Variants in IL11 observed in about 807,000 individuals in gnomAD.
IL11 encodes interleukin 11.
Under a neutral mutation model 18.1 loss-of-function variants are expected in IL11, and 17 were observed. The observed-to-expected ratio is 0.94, with a 90% CI of 0.64 to 1.41. IL11 has a LOEUF of 1.41. IL11 is among the 40% of genes most tolerant of loss of function. The pLI, the probability that IL11 is intolerant of heterozygous loss-of-function variation, is 0.00. For synonymous variants in IL11, 144 were observed against 134.1 expected (o/e 1.07, Z -0.51); for missense variants, 309 against 262.8 (o/e 1.18, Z -1.22).
In IL11 at chr19:55,370,355, CG is replaced by C. The variant is rs1207018338; in HGVS notation, c.-46del. The C allele has an allele frequency of 8.6e-6, 12 of 1,399,122 alleles. No homozygotes were observed. The highest frequency in any genetic ancestry group is 3.2e-5 in the South Asian group (2 of 63,320). 86.7% of individuals were successfully genotyped at this position (1,399,122 alleles called of 1,614,324 possible). A position where few individuals can be genotyped will look rare whatever the true frequency, so the allele number is the denominator to read the frequency against. ...TTCCCCAGGGCAGGGGGCAGGGAGC[CG>C]GGGGCCTTTAACCCTTCCCTGTCCG... On this transcript the variant is annotated 5_prime_UTR_variant, in exon 1 of 5. Transcript: ENST00000264563.
Position 55,369,757 on chromosome 19 carries a change from GC to G in IL11, c.7+546del, listed in dbSNP as rs1445723564. Among the ~76,000 whole-genome samples the G allele has an allele frequency of 1.2e-5, 1 of 86,008 alleles. No homozygotes were observed. Among genetic ancestry groups the G allele is most frequent in the Non-Finnish European group, 2.4e-5 (1 of 41,222 alleles). 56.4% of individuals were successfully genotyped at this position (86,008 alleles called of 152,430 possible). On this transcript the variant is annotated intron_variant, in intron 1 of 4. Transcript: ENST00000264563. This position sits in a 1 kb window ranked among gnomAD's most constrained non-coding sequence, Gnocchi z 6.1. ...CCCGCGCCTCGCACACCCCCAGCCC[GC>G]CCCCCGGGCCCGCCAGCCGTCGGTC...
rs2089785576 is a variant in IL11 at position 55,366,269 on chromosome 19, G to A, written c.430-92C>T. On this transcript the variant is annotated intron_variant, in intron 4 of 4. Transcript: ENST00000264563. This position sits in a 1 kb window ranked among gnomAD's most constrained non-coding sequence, Gnocchi z 4.6. The stretch of plus-strand genomic sequence containing the variant: ...GTGGAGCTGCAGCTGAATCGGGGCT[G>A]CATATTCACAGGGGGACTGTGGCGC... 7.3e-7 allele frequency: 1 copy of A among 1,363,562 alleles called. No individual in the cohort carries two copies. Among genetic ancestry groups the A allele is most frequent in the African/African-American group, 1.5e-5 (1 of 66,292 alleles). 84.5% of individuals were successfully genotyped at this position (1,363,562 alleles called of 1,614,324 possible).
chr19:55,368,670 C>A (rs1323908108), intron 2 of IL11, 99 bp downstream of exon 2: 2 of 1,492,436 alleles, frequency 1.3e-6, no homozygotes, highest in Non-Finnish European at 1.8e-6. Context: ...CACTCTGCCA[C>A]CTGAGAGCCC....
rs1465245507 is a variant in IL11 at position 55,368,260 on chromosome 19, C to A, written c.379G>T (p.Gly127Cys). ...CGGTCCAGTCGGGCCTGCAGGGTGC[C>A]CAGCTCGGGCTCCAGGGTCTTCAGG... ...SSLKTLEPEL[G>C]TLQARLDRLL... is the part of the protein sequence containing the mutation. Residue 127 changes from glycine to cysteine, a missense_variant, in exon 4 of 5, where the codon GGC becomes TGC. Coordinates refer to ENST00000264563, the MANE Select transcript of IL11 (RefSeq NM_000641.4). 1.3e-6 allele frequency: 2 copies of A among 1,550,024 alleles called. No individual in the cohort carries two copies. Among genetic ancestry groups the A allele is most frequent in the Non-Finnish European group, 1.7e-6 (2 of 1,146,486 alleles).
rs1408627271 is a variant in IL11, at chr19:55,366,538, C to G, written c.430-361G>C. On this transcript the variant is annotated intron_variant, in intron 4 of 4. Transcript: ENST00000264563. The surrounding 1 kb of genome is among the most constrained non-coding windows in gnomAD (Gnocchi z 4.6). ...GTTAGAACAATTAAGAAGCCAGGCG[C>G]GGGGGCTCACGCCTGTTATCCCAGC... Among the ~76,000 whole-genome samples the G allele has an allele frequency of 6.6e-6, 1 of 151,954 alleles. No individual in the cohort carries two copies. Among genetic ancestry groups the G allele is most frequent in the African/African-American group, 2.4e-5 (1 of 41,364 alleles).
In IL11 at chr19:55,366,070, C is replaced by G; in HGVS notation, c.537G>C (p.Gly179=). 3 of 1,598,958 alleles carry G rather than the reference C, an allele frequency of 1.9e-6. No homozygotes were observed. The highest frequency in any genetic ancestry group is 2.6e-6 in the Non-Finnish European group (3 of 1,174,148). Residue 179 remains glycine, a synonymous_variant, in exon 5 of 5, where the codon GGG becomes GGC. Transcript: ENST00000264563. The surrounding 1 kb of genome is among the most constrained non-coding windows in gnomAD (Gnocchi z 4.6). ...CCCAGTCAAGTGTCAGGTGCAGCCCCCCCAGGATGGCGTGGGCGGCCCTGA... is the reference window on the plus strand; with the variant it reads ...CCCAGTCAAGTGTCAGGTGCAGCCCGCCCAGGATGGCGTGGGCGGCCCTGA... The part of the protein sequence containing the change: ...GGIRAAHAIL[G]GLHLTLDWAV...
Position 55,366,207 on chromosome 19 carries a change from G to A in IL11, c.430-30C>T. ...GGGGAGAGGAGAGAGGTGAGTCACA[G>A]GTAGGGGGTGCAGCGGGGGTGCAGG... is the stretch of plus-strand genomic sequence containing the variant. On this transcript the variant is annotated intron_variant, in intron 4 of 4. Coordinates refer to ENST00000264563, the MANE Select transcript of IL11 (RefSeq NM_000641.4). The surrounding 1 kb of genome is among the most constrained non-coding windows in gnomAD (Gnocchi z 4.6). 2.1e-6 allele frequency: 3 copies of A among 1,458,140 alleles called. No homozygotes were observed. The highest frequency in any genetic ancestry group is 2.7e-6 in the Non-Finnish European group (3 of 1,106,358). 90.3% of individuals were successfully genotyped at this position (1,458,140 alleles called of 1,614,324 possible). A position where few individuals can be genotyped will look rare whatever the true frequency, so the allele number is the denominator to read the frequency against.
At position 55,370,338 on chromosome 19, in the gene IL11, G is replaced by A. The variant is rs2089814979; in HGVS notation, c.-28C>T. 1 of 1,412,354 alleles carries A rather than the reference G, an allele frequency of 7.1e-7. No homozygotes were observed. Among genetic ancestry groups the A allele is most frequent in the East Asian group, 2.9e-5 (1 of 34,242 alleles). The allele number at this position is 1,412,354 out of a possible 1,614,324, so 87.5% of individuals were successfully genotyped here. A position where few individuals can be genotyped will look rare whatever the true frequency, so the allele number is the denominator to read the frequency against. On this transcript the variant is annotated 5_prime_UTR_variant, in exon 1 of 5. Coordinates refer to ENST00000264563, the MANE Select transcript of IL11 (RefSeq NM_000641.4). ...CCCCACAGGGCCAGGGGTTCCCCAG[G>A]GCAGGGGGCAGGGAGCCGGGGGCCT...
In IL11 at chr19:55,366,124, C is replaced by T; in HGVS notation, c.483G>A (p.Leu161=). 7 of 1,538,120 alleles carry T rather than the reference C, an allele frequency of 4.6e-6. No homozygotes were observed. The highest frequency in any genetic ancestry group is 6.1e-6 in the Non-Finnish European group (7 of 1,142,856). Residue 161 remains leucine, a synonymous_variant, in exon 5 of 5, where the codon CTG becomes CTA. Coordinates refer to ENST00000264563, the MANE Select transcript of IL11 (RefSeq NM_000641.4). The surrounding 1 kb of genome is among the most constrained non-coding windows in gnomAD (Gnocchi z 4.6). ...QPPPDPPAPP[L]APPSSAWGGI... ...CCCCCCAGGCTGAGGAGGGGGGCGC[C>T]AGCGGGGGCGCCGGCGGGTCCGGGG...
Position 55,368,504 on chromosome 19 carries a change from C to T in IL11, c.246G>A (p.Ala82=), listed in dbSNP as rs1126757. The T allele has an allele frequency of 0.46, 746,825 of 1,610,490 alleles. 181,537 individuals carry two copies. The highest frequency in any genetic ancestry group is 0.74 in the East Asian group (33,021 of 44,766). The change falls in exon 3 of 5, where the codon GCG becomes GCA. Residue 82 remains alanine (A), a synonymous_variant. Coordinates refer to ENST00000264563, the MANE Select transcript of IL11 (RefSeq NM_000641.4). ...TTACCTGTAGAGCTCCCAGTGCCCC[C>T]GCACTCATGGCCAGGGTGGGCAGGG... The part of the protein sequence containing the change: ...LDSLPTLAMS[A]GALGALQLPG...
At chr19:55,368,182 G>T in intron 4 of IL11, 28 bp downstream of exon 4, 1 of 1,505,398 alleles carries the variant, frequency 6.6e-7, no homozygotes. Context: ...GGGGGTCTGG[G>T]GTGTCAGGTC....
rs2089800652 is a variant in IL11, at chr19:55,368,527, G to A, written c.223C>T (p.Leu75=). ...CCCGCACTCATGGCCAGGGTGGGCA[G>A]GGAATCCAGGTTGTGGTCCCCGTCA... ...PADGDHNLDS[L]PTLAMSAGAL... is the part of the protein sequence containing the mutation. Residue 75 remains leucine (L), a synonymous_variant, in exon 3 of 5, where the codon CTG becomes TTG. Transcript: ENST00000264563. The A allele has an allele frequency of 6.2e-7, 1 of 1,613,140 alleles. No homozygotes were observed. The highest frequency in any genetic ancestry group is 8.5e-7 in the Non-Finnish European group (1 of 1,179,712).
chr19:55,366,722 G>GAATC lies in IL11; in HGVS notation c.430-549_430-546dup. On this transcript the variant is annotated intron_variant, in intron 4 of 4. Transcript: ENST00000264563. This position sits in a 1 kb window ranked among gnomAD's most constrained non-coding sequence, Gnocchi z 4.6. Reference sequence around the variant, plus strand: ...AGCTACTCAGGAGGCTGAGGCAGGAGAATCGCTTGAGCCCAGGAGGCGGAG... The same window carrying GAATC: ...AGCTACTCAGGAGGCTGAGGCAGGAGAATCAATCGCTTGAGCCCAGGAGGCGGAG... 6.6e-6 allele frequency among the ~76,000 whole-genome samples: 1 copy of GAATC among 152,278 alleles called. No individual in the cohort carries two copies. The highest frequency in any genetic ancestry group is 1.9e-4 in the East Asian group (1 of 5,182).
chr19:55,368,958 G>A lies in IL11; in HGVS notation c.8-17C>T. The A allele has an allele frequency of 1.4e-6, 2 of 1,481,008 alleles. No homozygotes were observed. The highest frequency in any genetic ancestry group is 3.6e-4 in the Middle Eastern group (2 of 5,560). The allele number at this position is 1,481,008 out of a possible 1,614,324, so 91.7% of individuals were successfully genotyped here. On this transcript the variant is annotated splice_polypyrimidine_tract_variant and intron_variant, in intron 1 of 4. Coordinates refer to ENST00000264563, the MANE Select transcript of IL11 (RefSeq NM_000641.4). ...GGCAAACACCTGGGGGCAGGATAAG[G>A]CAGAGAGCTCAGGCTGGACTCCGGG...
At chr19:55,367,930 G>C (rs887881589) in intron 4 of IL11, among the ~76,000 whole-genome samples, 1 of 152,028 alleles carries the variant, frequency 6.6e-6, no homozygotes, top group African/African-American at 2.4e-5. Flanking sequence ...AGAATTTGAA[G>C]TTTCTGGGCA....
rs1249178601 is a variant in IL11 at position 55,368,772 on chromosome 19, C to T, written c.177G>A (p.Gln59=). ...LLADTRQLAA[Q]LRDKFPADGD... ...GCCCCAGCCCAGTCTCTCCTACCAG[C>T]TGTGCAGCCAGCTGCCGCGTGTCCG... The change falls in exon 2 of 5, where the codon CAG becomes CAA. Residue 59 remains glutamine, a synonymous_variant. Coordinates refer to ENST00000264563, the MANE Select transcript of IL11 (RefSeq NM_000641.4). The T allele has an allele frequency of 3.8e-6, 6 of 1,579,542 alleles. No individual in the cohort carries two copies. The African/African-American group carries it at 6.7e-5, about 18-fold the overall frequency.
intron 4 of IL11, among the ~76,000 whole-genome samples, chr19:55,367,287 C>T (rs577117624): frequency 1.3e-5 from 2 of 151,414 alleles, no homozygotes; most frequent in South Asian, 2.1e-4. Context: ...CCTCAGGGCT[C>T]GGGGTCTAGG....
At chr19:55,367,367 G>A (rs1176559716) in intron 4 of IL11, among the ~76,000 whole-genome samples, 1 of 151,674 alleles carries the variant, frequency 6.6e-6, no homozygotes, top group Non-Finnish European at 1.5e-5. Flanking sequence ...TGTATCTTAG[G>A]GCCTGGGATC....
intron 4 of IL11, 35 bp downstream of exon 4, chr19:55,368,175 G>T: frequency 1.3e-6 from 2 of 1,497,126 alleles, no homozygotes; most frequent in Non-Finnish European, 1.8e-6. Flanking sequence ...CAGGGGTGGG[G>T]GTCTGGGGTG....
Sources: gnomAD v4.1 joint callset for allele counts (sites outside exome capture counted in the v4.1 genomes callset) on GRCh38, gnomAD v4.1.1 for gene constraint, Gnocchi (gnomAD v3.1) non-coding constraint, MANE v1.5 for transcripts, NCBI Gene and HGNC (gene_info 2026-07-23, HGNC 2026-07-21) for gene names.